The following IRF9 variants were observed in gnomAD, a reference collection of about 807,000 sequenced individuals.
IRF9 encodes the protein IFN-alpha-responsive transcription factor subunit.
IRF9 carries 13 observed loss-of-function variants against 44.1 expected under a neutral mutation model. The observed-to-expected ratio is 0.29, with a 90% CI of 0.19 to 0.47. The LOEUF is 0.47. Among genes scored for constraint, IRF9 ranks in the 20% least tolerant of loss-of-function variants. The pLI, the probability that IRF9 is intolerant of heterozygous loss-of-function variation, is 1.00. For missense variants in IRF9, 373 were observed against 496.1 expected (o/e 0.75, Z 2.36); for synonymous variants, 189 against 188.5 (o/e 1.00, Z -0.02).
In IRF9 at chr14:24,166,252, G is replaced by A; in HGVS notation, c.*56G>A. 6.9e-7 allele frequency: 1 copy of A among 1,446,728 alleles called. No homozygotes were observed. The highest frequency in any genetic ancestry group is 1.2e-5 in the South Asian group (1 of 86,298). 89.6% of individuals were successfully genotyped at this position (1,446,728 alleles called of 1,614,324 possible). ...CTTTGTTCTTCCTGTCTCCTTTGAA[G>A]TAGACTCATTCTTCACACGATTGAC... On this transcript the variant is annotated 3_prime_UTR_variant, in exon 9 of 9. Transcript: ENST00000396864.
At chr14:24,162,405 G>C (rs919530091) in intron 2 of IRF9, 81 bp downstream of exon 2, 2 of 1,363,482 alleles carry the variant, frequency 1.5e-6, no homozygotes, top group African/African-American at 2.9e-5. Context: ...GAGCACTTGC[G>C]TCTGCCTGGG....
rs1312795888 is a variant in IRF9 at position 24,164,798 on chromosome 14, C to T, written c.834C>T (p.Gly278=). 2 of 1,610,202 alleles carry T rather than the reference C, an allele frequency of 1.2e-6. No homozygotes were observed. Among genetic ancestry groups the T allele is most frequent in the Non-Finnish European group, 1.7e-6 (2 of 1,179,950 alleles). ...TQRLLSQLER[G]ILVASNPRGL... ...GCCTGCTGAGCCAGCTTGAGAGGGG[C>T]ATCCTAGTGGCCAGCAACCCCCGAG... The change falls in exon 7 of 9, where the codon GGC becomes GGT. Residue 278 remains glycine, a synonymous_variant. Coordinates refer to ENST00000396864, the MANE Select transcript of IRF9 (RefSeq NM_006084.5). This position sits in a 1 kb window ranked among gnomAD's most constrained non-coding sequence, Gnocchi z 5.2.
rs748109504 is a variant in IRF9 at position 24,164,780 on chromosome 14, G to A, written c.816G>A (p.Leu272=). 1.7e-5 allele frequency: 28 copies of A among 1,610,614 alleles called. No individual in the cohort carries two copies. Among genetic ancestry groups the A allele is most frequent in the Non-Finnish European group, 2.3e-5 (27 of 1,179,948 alleles). Reference sequence around the variant, plus strand: ...CACTGGAGCCCACGCAGCGCCTGCTGAGCCAGCTTGAGAGGGGCATCCTAG... The same window carrying A: ...CACTGGAGCCCACGCAGCGCCTGCTAAGCCAGCTTGAGAGGGGCATCCTAG... ...PGPLEPTQRL[L]SQLERGILVA... The change falls in exon 7 of 9, where the codon CTG becomes CTA. Residue 272 remains leucine (L), a synonymous_variant. Coordinates refer to ENST00000396864, the MANE Select transcript of IRF9 (RefSeq NM_006084.5). The surrounding 1 kb of genome is among the most constrained non-coding windows in gnomAD (Gnocchi z 5.2).
rs751534325 is a variant in IRF9 at position 24,162,228 on chromosome 14, G to A, written c.84G>A (p.Val28=). 8 of 1,614,050 alleles carry A rather than the reference G, an allele frequency of 5.0e-6. No homozygotes were observed. The African/African-American group carries it at 8.0e-5, about 16-fold the overall frequency. ...EQVESGQFPG[V]CWDDTAKTMF... Reference sequence around the variant, plus strand: ...TGGAGAGTGGGCAGTTTCCCGGAGTGTGCTGGGATGATACAGCTAAGACCA... The same window carrying A: ...TGGAGAGTGGGCAGTTTCCCGGAGTATGCTGGGATGATACAGCTAAGACCA... Residue 28 remains valine, a synonymous_variant, in exon 2 of 9, where the codon GTG becomes GTA. Transcript: ENST00000396864.
chr14:24,166,101 T>G, intron 8 of IRF9, 21 bp from the exon 9 acceptor site: 3 of 1,609,104 alleles, frequency 1.9e-6, no homozygotes, highest in Non-Finnish European at 2.6e-6. Flanking sequence ...GAGATGCTCT[T>G]CTCCATCTCT....
At position 24,162,583 on chromosome 14, in the gene IRF9, C is replaced by T. The variant is rs1015978306; in HGVS notation, c.180+259C>T. The T allele has an allele frequency of 3.1e-5, 14 of 450,504 alleles. No individual in the cohort carries two copies. The East Asian group carries it at 4.4e-4, about 14-fold the overall frequency. 27.9% of individuals were successfully genotyped at this position (450,504 alleles called of 1,614,324 possible). A position where few individuals can be genotyped will look rare whatever the true frequency, so the allele number is the denominator to read the frequency against. ...TCGGGAGGCCAAGGTGGGTGGATCA[C>T]GAGGTCAAGAGATCAAGACCAGCCT... On this transcript the variant is annotated intron_variant, in intron 2 of 8. Coordinates refer to ENST00000396864, the MANE Select transcript of IRF9 (RefSeq NM_006084.5).
chr14:24,166,093 G>C (rs773567283), intron 8 of IRF9, 29 bp from the exon 9 acceptor site: 1 of 1,610,684 alleles, frequency 6.2e-7, no homozygotes, highest in Non-Finnish European at 8.5e-7. Context: ...CACGCACTGA[G>C]ATGCTCTTCT....
At chr14:24,165,244 C>A in intron 7 of IRF9, 1 of 701,062 alleles carries the variant, frequency 1.4e-6, no homozygotes, top group South Asian at 1.5e-5. Flanking sequence ...AGCATGCAGT[C>A]ACTATGTGAA....
Position 24,164,398 on chromosome 14 carries a change from T to A in IRF9, c.650-216T>A. The A allele has an allele frequency of 1.7e-6, 1 of 603,970 alleles. No individual in the cohort carries two copies. Among genetic ancestry groups the A allele is most frequent in the Non-Finnish European group, 2.9e-6 (1 of 344,028 alleles). The allele number at this position is 603,970 out of a possible 1,614,324, so 37.4% of individuals were successfully genotyped here. On this transcript the variant is annotated intron_variant, in intron 6 of 8. Coordinates refer to ENST00000396864, the MANE Select transcript of IRF9 (RefSeq NM_006084.5). This position sits in a 1 kb window ranked among gnomAD's most constrained non-coding sequence, Gnocchi z 5.2. ...TTCATTGGGCCAAACAGAGGCCCAA[T>A]CTCAAGGGACCTTCTAGTAAACTAC...
At position 24,163,002 on chromosome 14, in the gene IRF9, G is replaced by C. The variant is rs926909686; in HGVS notation, c.217G>C (p.Asp73His). ...AIFKGKYKEGDTGGPAVWKTR... is the reference protein window; with the variant it reads ...AIFKGKYKEGHTGGPAVWKTR... Reference sequence around the variant, plus strand: ...ATTTAAGGGAAAGTATAAGGAGGGGGACACAGGAGGTCCAGCTGTCTGGAA... The same window carrying C: ...ATTTAAGGGAAAGTATAAGGAGGGGCACACAGGAGGTCCAGCTGTCTGGAA... Residue 73 changes from aspartate to histidine, a missense_variant, in exon 3 of 9, where the codon GAC (aspartate) becomes CAC (histidine). Asp to His is a moderately conservative substitution (Grantham distance 81, BLOSUM62 -1). Around this residue, in one of 2 missense-constraint regions of IRF9, gnomAD observed 227 missense variants for 255.3 expected, o/e 0.89. Transcript: ENST00000396864. 6.2e-7 allele frequency: 1 copy of C among 1,614,034 alleles called. No individual in the cohort carries two copies. Among genetic ancestry groups the C allele is most frequent in the African/African-American group, 1.3e-5 (1 of 75,024 alleles).
At position 24,162,830 on chromosome 14, in the gene IRF9, A is replaced by C; in HGVS notation, c.181-136A>C. Reference sequence around the variant, plus strand: ...AAAAAAAAAAATTTCCAAGGATTTCAAGATGGCAACGCAGAGCACAGACCC... The same window carrying C: ...AAAAAAAAAAATTTCCAAGGATTTCCAGATGGCAACGCAGAGCACAGACCC... On this transcript the variant is annotated intron_variant, in intron 2 of 8. Transcript: ENST00000396864. The C allele has an allele frequency of 3.0e-6, 2 of 670,128 alleles. 1 individual carries two copies. Among genetic ancestry groups the C allele is most frequent in the South Asian group, 4.3e-5 (2 of 46,298 alleles). 41.5% of individuals were successfully genotyped at this position (670,128 alleles called of 1,614,324 possible).
At chr14:24,162,379 T>A in intron 2 of IRF9, 55 bp downstream of exon 2, 2 of 1,496,666 alleles carry the variant, frequency 1.3e-6, no homozygotes, top group East Asian at 2.3e-5. Context: ...GTATACACAC[T>A]GGTACACTCA....
At chr14:24,165,562 C>T in intron 7 of IRF9, 1 of 533,398 alleles carries the variant, frequency 1.9e-6, no homozygotes, top group Admixed American at 3.3e-5. Context: ...TCTGAGTTAG[C>T]AGCCAGGGCT....
In IRF9 at chr14:24,164,092, G is replaced by C. The variant is rs369645997; in HGVS notation, c.607G>C (p.Gly203Arg). 2.2e-5 allele frequency: 36 copies of C among 1,614,168 alleles called. No homozygotes were observed. The highest frequency in any genetic ancestry group is 2.9e-5 in the Non-Finnish European group (34 of 1,180,022). Residue 203 changes from glycine to arginine, a missense_variant, in exon 6 of 9, where the codon GGG becomes CGG. Around this residue, in one of 2 missense-constraint regions of IRF9, gnomAD observed 227 missense variants for 255.3 expected, o/e 0.89. Transcript: ENST00000396864. This position sits in a 1 kb window ranked among gnomAD's most constrained non-coding sequence, Gnocchi z 5.2. ...VTDTTEAPFQ[G>R]DQRSLEFLLP... Reference sequence around the variant, plus strand: ...AGACACAACTGAGGCCCCCTTTCAAGGGGATCAGAGGTCCCTGGAGTTTCT... The same window carrying C: ...AGACACAACTGAGGCCCCCTTTCAACGGGATCAGAGGTCCCTGGAGTTTCT...
At chr14:24,162,362 G>T in intron 2 of IRF9, 38 bp downstream of exon 2, 2 of 1,585,506 alleles carry the variant, frequency 1.3e-6, no homozygotes, top group South Asian at 1.1e-5. Flanking sequence ...TCTGTGTGTG[G>T]GATGGTGTAT....
rs2038501856 is a variant in IRF9, at chr14:24,164,772, C to T, written c.808C>T (p.Arg270Cys). The T allele has an allele frequency of 3.1e-6, 5 of 1,611,096 alleles. No individual in the cohort carries two copies. The highest frequency in any genetic ancestry group is 2.7e-5 in the African/African-American group (2 of 74,926). Residue 270 changes from arginine (R) to cysteine (C), a missense_variant, in exon 7 of 9, where the codon CGC (arginine) becomes TGC (cysteine). Arg to Cys is a radical substitution (Grantham distance 180). Transcript: ENST00000396864. The surrounding 1 kb of genome is among the most constrained non-coding windows in gnomAD (Gnocchi z 5.2). ...GCCTGGCCCACTGGAGCCCACGCAG[C>T]GCCTGCTGAGCCAGCTTGAGAGGGG... is the stretch of plus-strand genomic sequence containing the variant. ...PKPGPLEPTQ[R>C]LLSQLERGIL...
chr14:24,165,413 A>G (rs2038511105), intron 7 of IRF9: 2 of 586,948 alleles, frequency 3.4e-6, no homozygotes, highest in Admixed American at 2.9e-5. Context: ...CTCCCATCCA[A>G]TTCCAGCTCC....
chr14:24,165,024 G>T, intron 7 of IRF9, 69 bp downstream of exon 7: 3 of 1,418,224 alleles, frequency 2.1e-6, no homozygotes, highest in South Asian at 1.2e-5. Flanking sequence ...GGCCCAACTT[G>T]TTGGGTCCTG....
chr14:24,164,485 G>C lies in IRF9; in HGVS notation c.650-129G>C, dbSNP rs2038498105. 3 of 893,694 alleles carry C rather than the reference G, an allele frequency of 3.4e-6. No homozygotes were observed. 55.4% of individuals were successfully genotyped at this position (893,694 alleles called of 1,614,324 possible). A position where few individuals can be genotyped will look rare whatever the true frequency, so the allele number is the denominator to read the frequency against. On this transcript the variant is annotated intron_variant, in intron 6 of 8. Coordinates refer to ENST00000396864, the MANE Select transcript of IRF9 (RefSeq NM_006084.5). The surrounding 1 kb of genome is among the most constrained non-coding windows in gnomAD (Gnocchi z 5.2). ...AATCACATACTAGCTACTTGCCTCA[G>C]TGATAGGAAAACCTGAGAGGAAGCC... is the stretch of plus-strand genomic sequence containing the variant.
Sources: allele counts gnomAD v4.1 joint callset, GRCh38; gene constraint gnomAD v4.1.1; regional missense constraint gnomAD v4.1.1; non-coding constraint Gnocchi (gnomAD v3.1); transcripts MANE v1.5; gene names NCBI Gene and HGNC (gene_info 2026-07-23, HGNC 2026-07-21).